Variants in SPTBN1 observed in about 807,000 individuals in gnomAD.
The protein encoded by SPTBN1 is spectrin beta, non-erythrocytic 1.
Under a neutral mutation model 266.4 loss-of-function variants are expected in SPTBN1, and 32 were observed. The ratio of observed to expected loss-of-function variants is 0.12; its 90% CI spans 0.09 to 0.16. The LOEUF is 0.16. Among genes scored for constraint, SPTBN1 ranks in the 10% least tolerant of loss-of-function variants. The probability of loss-of-function intolerance (pLI) is 1.00; values close to 1 mark genes in which losing one functional copy is unlikely to be tolerated. For synonymous variants in SPTBN1, 1,336 were observed against 1,162.2 expected (o/e 1.15, Z -3.04); for missense variants, 2,296 against 3,067.1 (o/e 0.75, Z 5.94).
intron 30 of SPTBN1, 116 bp downstream of exon 30, chr2:54,658,162 C>A: frequency 7.6e-7 from 1 of 1,319,984 alleles, no homozygotes; most frequent in Non-Finnish European, 1.0e-6. Flanking sequence ...GGGTTTTTTT[C>A]AAGTAGTGAA....
At chr2:54,522,048 C>T (rs1573326015) in intron 1 of SPTBN1, among the ~76,000 whole-genome samples, 1 of 151,870 alleles carries the variant, frequency 6.6e-6, no homozygotes, top group African/African-American at 2.4e-5. Flanking sequence ...CAGGCGCATG[C>T]CACCACAGCT....
At chr2:54,666,959 G>A (rs2104269844) in intron 34 of SPTBN1, among the ~76,000 whole-genome samples, 1 of 152,314 alleles carries the variant, frequency 6.6e-6, no homozygotes, top group African/African-American at 2.4e-5. Flanking sequence ...CTCCTTGGCT[G>A]CTTTCCCCTT....
chr2:54,510,760 A>G (rs1315678454), intron 1 of SPTBN1, among the ~76,000 whole-genome samples: 1 of 152,204 alleles, frequency 6.6e-6, no homozygotes, highest in Non-Finnish European at 1.5e-5. Context: ...ATCACCAGGG[A>G]GATTTTAAAG....
chr2:54,610,155 C>T (rs780877149), intron 3 of SPTBN1, among the ~76,000 whole-genome samples: 1 of 151,806 alleles, frequency 6.6e-6, no homozygotes, highest in Non-Finnish European at 1.5e-5. Flanking sequence ...TCTCCCAATT[C>T]CTTGACATTT....
chr2:54,637,847 G>A (rs1572727400), intron 18 of SPTBN1, 44 bp downstream of exon 18: 2 of 1,483,590 alleles, frequency 1.3e-6, no homozygotes, highest in Non-Finnish European at 1.9e-6. Flanking sequence ...TCCAGTAATA[G>A]CAATTGCCAG....
At chr2:54,467,453 G>C (rs1693694490) in intron 1 of SPTBN1, among the ~76,000 whole-genome samples, 1 of 152,206 alleles carries the variant, frequency 6.6e-6, no homozygotes, top group East Asian at 1.9e-4. Flanking sequence ...GGAGTGCGAT[G>C]GCGCGATCTC....
intron 2 of SPTBN1, among the ~76,000 whole-genome samples, chr2:54,573,143 T>C (rs942919699): frequency 1.3e-5 from 2 of 152,204 alleles, no homozygotes; most frequent in Admixed American, 1.3e-4. Flanking sequence ...TGCTCCCTCT[T>C]TGCTTATAAG....
At chr2:54,475,822 C>G (rs1203909177) in intron 1 of SPTBN1, among the ~76,000 whole-genome samples, 1 of 152,144 alleles carries the variant, frequency 6.6e-6, no homozygotes, top group Non-Finnish European at 1.5e-5. Context: ...TTTTAGTTTT[C>G]TTGTGTCAAA....
In SPTBN1 at chr2:54,628,783, C is replaced by G; in HGVS notation, c.1799-150C>G. ...GTTCTAGTCAAGTTGTTAGAAGGTG[C>G]TCCATTGCCTTATCGCATGGCCCTG... On this transcript the variant is annotated intron_variant, in intron 13 of 35. Transcript: ENST00000356805. This position sits in a 1 kb window ranked among gnomAD's most constrained non-coding sequence, Gnocchi z 4.3. 2 of 1,033,252 alleles carry G rather than the reference C, an allele frequency of 1.9e-6. No homozygotes were observed. The highest frequency in any genetic ancestry group is 2.7e-6 in the Non-Finnish European group (2 of 736,706). The allele number at this position is 1,033,252 out of a possible 1,614,324, so 64.0% of individuals were successfully genotyped here. A position where few individuals can be genotyped will look rare whatever the true frequency, so the allele number is the denominator to read the frequency against.
At chr2:54,482,934 G>T (rs1668174244) in intron 1 of SPTBN1, among the ~76,000 whole-genome samples, 1 of 152,170 alleles carries the variant, frequency 6.6e-6, no homozygotes, top group Non-Finnish European at 1.5e-5. Context: ...CACAGCAGTT[G>T]GTGCAATGGA....
Position 54,487,832 on chromosome 2 carries a change from C to CTTTTT in SPTBN1, c.-48+31325_-48+31329dup, listed in dbSNP as rs70944169. Among the ~76,000 whole-genome samples the CTTTTT allele has an allele frequency of 4.4e-5, 3 of 68,644 alleles. 1 individual carries two copies. Among genetic ancestry groups the CTTTTT allele is most frequent in the East Asian group, 9.8e-4 (2 of 2,032 alleles). 45.0% of individuals were successfully genotyped at this position (68,644 alleles called of 152,430 possible). A position where few individuals can be genotyped will look rare whatever the true frequency, so the allele number is the denominator to read the frequency against. ...TTCACTTGATGGTCTCCTCCTGTGT[C>CTTTTT]TTTTTTTTTTTTTTTGAGACGGAGT... On this transcript the variant is annotated intron_variant, in intron 1 of 35. Coordinates refer to ENST00000356805, the MANE Select transcript of SPTBN1 (RefSeq NM_003128.3).
intron 2 of SPTBN1, among the ~76,000 whole-genome samples, chr2:54,553,026 A>G (rs557832254): frequency 6.6e-6 from 1 of 152,354 alleles, no homozygotes; most frequent in East Asian, 1.9e-4. Context: ...CCAGTGTCAA[A>G]TGTGCTATGC....
At chr2:54,623,771 G>A (rs994866847) in intron 10 of SPTBN1, among the ~76,000 whole-genome samples, 175 bp downstream of exon 10, 1 of 152,172 alleles carries the variant, frequency 6.6e-6, no homozygotes, top group Non-Finnish European at 1.5e-5. Flanking sequence ...CAATGGTACC[G>A]GGTTAGGCTG....
intron 1 of SPTBN1, among the ~76,000 whole-genome samples, chr2:54,463,510 C>G (rs1336278916): frequency 2.0e-5 from 3 of 152,202 alleles, no homozygotes; most frequent in Non-Finnish European, 4.4e-5. Context: ...AACCCACCCA[C>G]CTCGCTCACA....
rs768447926 is a variant in SPTBN1 at position 54,631,174 on chromosome 2, G to T, written c.3127G>T (p.Val1043Leu). 1 of 1,614,110 alleles carries T rather than the reference G, an allele frequency of 6.2e-7. No homozygotes were observed. Among genetic ancestry groups the T allele is most frequent in the Non-Finnish European group, 8.5e-7 (1 of 1,180,050 alleles). The change falls in exon 16 of 36, where the codon GTG becomes TTG. Residue 1043 changes from valine (V) to leucine (L), a missense_variant. Physicochemically the swap from Val to Leu is conservative, Grantham distance 32 (BLOSUM62 1). This residue lies in a region of SPTBN1 where 128 missense variants were observed against 176.5 expected (regional missense o/e 0.73). Coordinates refer to ENST00000356805, the MANE Select transcript of SPTBN1 (RefSeq NM_003128.3). ...ILSRLAEISD[V>L]WEEMKTTLKN... ...GTCTCGGCTGGCCGAGATCAGCGAC[G>T]TGTGGGAGGAGATGAAGACCACCCT... is the stretch of plus-strand genomic sequence containing the variant.
At chr2:54,474,294 CT>C (rs1378461021) in intron 1 of SPTBN1, among the ~76,000 whole-genome samples, 1 of 152,090 alleles carries the variant, frequency 6.6e-6, no homozygotes, top group African/African-American at 2.4e-5. Context: ...TGGTGATAAC[CT>C]AAAAGTCCAT....
rs1572704181 is a variant in SPTBN1, at chr2:54,626,130, C to T, written c.1540C>T (p.Leu514=). 3 of 1,614,242 alleles carry T rather than the reference C, an allele frequency of 1.9e-6. No homozygotes were observed. Among genetic ancestry groups the T allele is most frequent in the East Asian group, 2.2e-5 (1 of 44,892 alleles). ...TGTCATCCGGCTCTGGGAATACCTA[C>T]TGGAACTGCTCAGGGCCCGGAGACA... is the stretch of plus-strand genomic sequence containing the variant. ...DNVIRLWEYL[L]ELLRARRQRL... Residue 514 remains leucine, a synonymous_variant, in exon 12 of 36, where the codon CTG becomes TTG. Coordinates refer to ENST00000356805, the MANE Select transcript of SPTBN1 (RefSeq NM_003128.3). This position sits in a 1 kb window ranked among gnomAD's most constrained non-coding sequence, Gnocchi z 4.7.
chr2:54,485,548 C>T (rs889945226), intron 1 of SPTBN1, among the ~76,000 whole-genome samples: 2 of 152,198 alleles, frequency 1.3e-5, no homozygotes, highest in African/African-American at 4.8e-5. Context: ...CTACAACCTC[C>T]ACCTCCCAGC....
chr2:54,630,367 C>T (rs1022354230), intron 15 of SPTBN1, among the ~76,000 whole-genome samples: 5 of 152,218 alleles, frequency 3.3e-5, no homozygotes, highest in African/African-American at 9.7e-5. Flanking sequence ...GAACAGGACT[C>T]TAGCATGTTT....
Sources: gnomAD v4.1 joint callset for allele counts (sites outside exome capture counted in the v4.1 genomes callset) on GRCh38, gnomAD v4.1.1 for gene constraint, gnomAD v4.1.1 regional missense constraint, Gnocchi (gnomAD v3.1) non-coding constraint, MANE v1.5 for transcripts, NCBI Gene and HGNC (gene_info 2026-07-23, HGNC 2026-07-21) for gene names.